CTNNA3: variants seen among roughly 807,000 people sequenced by gnomAD.
CTNNA3 encodes catenin alpha 3.
CTNNA3 carries 76 observed loss-of-function variants against 95.7 expected under a neutral mutation model. The observed-to-expected ratio is 0.79, with a 90% confidence interval of 0.66 to 0.96. The LOEUF is 0.96. Among genes scored for constraint, CTNNA3 ranks in the 40% least tolerant of loss-of-function variants. The probability of loss-of-function intolerance (pLI) is 0.00; values close to 1 mark genes in which losing one functional copy is unlikely to be tolerated. For missense variants in CTNNA3, 1,191 were observed against 1,089.8 expected (o/e 1.09, Z -1.31); for synonymous variants, 431 against 374.4 (o/e 1.15, Z -1.74).
At chr10:67,091,769 G>C (rs544995322) in intron 7 of CTNNA3, among the ~76,000 whole-genome samples, 1 of 151,992 alleles carries the variant, frequency 6.6e-6, no homozygotes, top group Non-Finnish European at 1.5e-5. Context: ...ACAAGAGACA[G>C]GGAGTCAAAG....
At chr10:66,394,632 C>G (rs994825123) in intron 11 of CTNNA3, among the ~76,000 whole-genome samples, 22 of 150,932 alleles carry the variant, frequency 1.5e-4, no homozygotes, top group Non-Finnish European at 1.3e-4. Flanking sequence ...CAGGAACAGA[C>G]AGTAGTGAGC....
In CTNNA3 at chr10:67,162,059, G is replaced by C. The variant is rs570949420; in HGVS notation, c.1047+18258C>G. Among the ~76,000 whole-genome samples the C allele has an allele frequency of 2.0e-5, 3 of 152,002 alleles. No homozygotes were observed. The South Asian group carries it at 6.2e-4, about 32-fold the overall frequency. On this transcript the variant is annotated intron_variant, in intron 7 of 17. Transcript: ENST00000433211. ...AACTGACAAAGCTGAACGGAAGAGT[G>C]GACAAATTCACAGTTATAGCTGTAG...
intron 5 of CTNNA3, among the ~76,000 whole-genome samples, chr10:67,232,994 C>G (rs1471921376): frequency 6.6e-6 from 1 of 152,168 alleles, no homozygotes; most frequent in African/African-American, 2.4e-5. Flanking sequence ...AATACAGGAG[C>G]ACCCAGATTC....
chr10:67,448,765 G>A (rs1335358894), intron 5 of CTNNA3, among the ~76,000 whole-genome samples: 5 of 149,776 alleles, frequency 3.3e-5, no homozygotes, highest in South Asian at 2.1e-4. Context: ...TCTTTAACTC[G>A]CATAGGATTT....
In CTNNA3 at chr10:66,626,593, T is replaced by A. The variant is rs1589036264; in HGVS notation, c.1282-4809A>T. Among the ~76,000 whole-genome samples the A allele has an allele frequency of 3.3e-5, 5 of 152,272 alleles. No homozygotes were observed. The South Asian group carries it at 1.0e-3, about 32-fold the overall frequency. On this transcript the variant is annotated intron_variant, in intron 9 of 17. Transcript: ENST00000433211. ...ACACAAGTTATGAAGTTCTTCTTTA[T>A]AAGGAGATGAAATATTTCTCTCAAC... is the stretch of plus-strand genomic sequence containing the variant.
intron 12 of CTNNA3, among the ~76,000 whole-genome samples, chr10:66,295,681 T>C (rs1177109708): frequency 2.0e-5 from 3 of 152,166 alleles, no homozygotes; most frequent in African/African-American, 4.8e-5. Context: ...TGTCGAACTT[T>C]TTCCTCAGTG....
chr10:67,688,026 C>T (rs932397088), intron 1 of CTNNA3, among the ~76,000 whole-genome samples: 4 of 152,164 alleles, frequency 2.6e-5, no homozygotes, highest in South Asian at 2.1e-4. Context: ...TCCAAACTCT[C>T]GGGCTGCAAC....
intron 9 of CTNNA3, among the ~76,000 whole-genome samples, chr10:66,680,424 C>T (rs1008067642): frequency 2.0e-5 from 3 of 151,976 alleles, no homozygotes; most frequent in Non-Finnish European, 4.4e-5. Context: ...AGTATAATAA[C>T]AAAGAAGAGT....
rs543442056 is a variant in CTNNA3, at chr10:67,173,540, T to C, written c.1047+6777A>G. ...AAAGACTGTCCCAACAAAACTTTTT[T>C]GTACTCAAATTTACTTTCAAGTCTG... is the stretch of plus-strand genomic sequence containing the variant. On this transcript the variant is annotated intron_variant, in intron 7 of 17. Transcript: ENST00000433211. 5.3e-5 allele frequency among the ~76,000 whole-genome samples: 8 copies of C among 152,324 alleles called. No individual in the cohort carries two copies. In the South Asian group the frequency reaches 1.7e-3, roughly 32 times the overall value.
chr10:66,701,331 G>A (rs938587810), intron 9 of CTNNA3, among the ~76,000 whole-genome samples: 2 of 152,036 alleles, frequency 1.3e-5, no homozygotes, highest in Admixed American at 6.6e-5. Flanking sequence ...AAGTTGTTTT[G>A]ACTATTCTAG....
At chr10:67,630,321 C>T (rs1356199094) in intron 2 of CTNNA3, among the ~76,000 whole-genome samples, 1 of 152,204 alleles carries the variant, frequency 6.6e-6, no homozygotes, top group Non-Finnish European at 1.5e-5. Context: ...AGAGGATTGA[C>T]ATATGTCATG....
chr10:66,787,175 CA>C (rs1189704457), intron 7 of CTNNA3, among the ~76,000 whole-genome samples: 1 of 152,116 alleles, frequency 6.6e-6, no homozygotes, highest in Non-Finnish European at 1.5e-5. Flanking sequence ...TGAACTTAAG[CA>C]AATCACACAG....
chr10:67,311,376 G>C (rs1840793489), intron 5 of CTNNA3, among the ~76,000 whole-genome samples: 1 of 152,086 alleles, frequency 6.6e-6, no homozygotes, highest in East Asian at 1.9e-4. Context: ...GAATCTAATA[G>C]GTAACTTTAA....
intron 13 of CTNNA3, among the ~76,000 whole-genome samples, chr10:66,260,126 G>T (rs1170622735): frequency 6.6e-6 from 1 of 152,064 alleles, no homozygotes; most frequent in Non-Finnish European, 1.5e-5. Flanking sequence ...CTAAAGTACT[G>T]ATCCACCAGG....
chr10:67,096,096 A>C (rs1857975534), intron 7 of CTNNA3, among the ~76,000 whole-genome samples: 2 of 151,860 alleles, frequency 1.3e-5, no homozygotes, highest in Non-Finnish European at 2.9e-5. Context: ...TGGAATTTTC[A>C]TTTAATAAGC....
chr10:66,211,474 CA>C (rs2088150287), intron 13 of CTNNA3, among the ~76,000 whole-genome samples: 1 of 151,986 alleles, frequency 6.6e-6, no homozygotes, highest in African/African-American at 2.4e-5. Flanking sequence ...TCTGCAAGTA[CA>C]AAAAAAGCTT....
intron 5 of CTNNA3, among the ~76,000 whole-genome samples, chr10:67,297,754 T>A (rs1589137924): frequency 6.6e-6 from 1 of 152,184 alleles, no homozygotes; most frequent in Admixed American, 6.5e-5. Context: ...CTTAGGCACA[T>A]CCTATTTTAA....
At chr10:66,220,202 CTG>C (rs1488609177) in intron 13 of CTNNA3, among the ~76,000 whole-genome samples, 10 of 150,812 alleles carry the variant, frequency 6.6e-5, no homozygotes, top group African/African-American at 2.4e-4. Flanking sequence ...ACAGAAATAA[CTG>C]GAGTTTTTCC....
intron 7 of CTNNA3, among the ~76,000 whole-genome samples, chr10:66,923,977 T>C (rs1846929400): frequency 6.6e-6 from 1 of 152,252 alleles, no homozygotes; most frequent in East Asian, 1.9e-4. Flanking sequence ...CTTGTGGAAC[T>C]TACATCTCAG....
Sources: gnomAD v4.1 joint callset for allele counts (sites outside exome capture counted in the v4.1 genomes callset) on GRCh38, gnomAD v4.1.1 for gene constraint, MANE v1.5 for transcripts, NCBI Gene and HGNC (gene_info 2026-07-23, HGNC 2026-07-21) for gene names.